Variants in AASDHPPT observed in about 807,000 individuals in gnomAD.
AASDHPPT encodes the protein L-aminoadipate-semialdehyde dehydrogenase-phosphopantetheinyl transferase.
Under a neutral mutation model 36.4 loss-of-function variants are expected in AASDHPPT, and 23 were observed. That is an observed-to-expected ratio of 0.63 (90% CI 0.45 to 0.89). AASDHPPT has a LOEUF of 0.89. Among genes scored for constraint, AASDHPPT ranks in the 40% least tolerant of loss-of-function variants. AASDHPPT has a pLI of 0.00. For synonymous variants in AASDHPPT, 115 were observed against 128.0 expected (o/e 0.90, Z 0.68); for missense variants, 377 against 378.2 (o/e 1.00, Z 0.03).
rs767828679 is a variant in AASDHPPT at position 106,090,671 on chromosome 11, G to A, written c.524G>A (p.Arg175Lys). 5.1e-6 allele frequency: 8 copies of A among 1,581,716 alleles called. No homozygotes were observed. Among genetic ancestry groups the A allele is most frequent in the Non-Finnish European group, 6.9e-6 (8 of 1,166,966 alleles). Residue 175 changes from arginine (R) to lysine (K), a missense_variant, in exon 3 of 6, where the codon AGG becomes AAG. Arg to Lys is a conservative substitution (Grantham distance 26, BLOSUM62 2). Transcript: ENST00000278618. ...TGGACTCAGCTGGATATGTTTTATA[G>A]GAATTGGGTATAATTCTTTCTAATT... Reference protein sequence around the residue: ...DEWTQLDMFYRNWALKESFIK... With the variant: ...DEWTQLDMFYKNWALKESFIK...
intron 2 of AASDHPPT, among the ~76,000 whole-genome samples, chr11:106,084,102 A>G (rs990471026): frequency 6.6e-6 from 1 of 152,122 alleles, no homozygotes; most frequent in Non-Finnish European, 1.5e-5. Flanking sequence ...TACCTTAATG[A>G]TTAGAGTAAT....
intron 5 of AASDHPPT, among the ~76,000 whole-genome samples, chr11:106,096,099 A>G (rs1861310206): frequency 6.6e-6 from 1 of 152,162 alleles, no homozygotes. Context: ...AAATTAAGAT[A>G]ACCGTATCAC....
At chr11:106,087,646 T>C (rs1416189484) in intron 2 of AASDHPPT, among the ~76,000 whole-genome samples, 2 of 152,176 alleles carry the variant, frequency 1.3e-5, no homozygotes, top group East Asian at 1.9e-4. Context: ...TTTTTTTCCG[T>C]AGGCCTGAAA....
intron 2 of AASDHPPT, among the ~76,000 whole-genome samples, chr11:106,084,953 A>G (rs9943677): frequency 0.61 from 93,318 of 152,022 alleles, 32,472 homozygotes; most frequent in Non-Finnish European, 0.77. Flanking sequence ...GCTGATAGAC[A>G]TATTAATGTT....
chr11:106,086,937 C>T (rs1292276865), intron 2 of AASDHPPT, among the ~76,000 whole-genome samples: 1 of 152,212 alleles, frequency 6.6e-6, no homozygotes, highest in African/African-American at 2.4e-5. Context: ...AGGCTTCATG[C>T]TCTGTCCTCT....
At chr11:106,089,945 A>G (rs1298558984) in intron 2 of AASDHPPT, among the ~76,000 whole-genome samples, 1 of 152,038 alleles carries the variant, frequency 6.6e-6, no homozygotes, top group Non-Finnish European at 1.5e-5. Context: ...AAATCTTTTT[A>G]TTTGAATAAG....
At chr11:106,091,287 C>G (rs1861254428) in intron 3 of AASDHPPT, 29 bp from the exon 4 acceptor site, 1 of 1,560,386 alleles carries the variant, frequency 6.4e-7, no homozygotes, top group Admixed American at 2.2e-5. Flanking sequence ...CCACCAAATT[C>G]TAAGAGAAAA....
At chr11:106,079,961 T>G (rs1476099171) in intron 2 of AASDHPPT, among the ~76,000 whole-genome samples, 1 of 152,240 alleles carries the variant, frequency 6.6e-6, no homozygotes, top group Non-Finnish European at 1.5e-5. Context: ...AAATTTTTTT[T>G]GAATTATACT....
rs75512336 is a variant in AASDHPPT, at chr11:106,083,797, A to G, written c.409+4105A>G. Among the ~76,000 whole-genome samples the G allele has an allele frequency of 5.6e-3, 859 of 152,264 alleles. 26 individuals are homozygous for G. In the East Asian group the frequency reaches 0.075, roughly 13 times the overall value. ...AAATTTAAAAATAAAAAAGTTTAAA[A>G]TTTTAGGACAAAATATAGTTGACTA... On this transcript the variant is annotated intron_variant, in intron 2 of 5. Transcript: ENST00000278618.
chr11:106,082,874 G>A (rs1291804918), intron 2 of AASDHPPT, among the ~76,000 whole-genome samples: 3 of 152,046 alleles, frequency 2.0e-5, no homozygotes, highest in Admixed American at 1.3e-4. Flanking sequence ...TAAGCATAAA[G>A]GGTAACTTTT....
chr11:106,093,073 G>A (rs969689193), intron 4 of AASDHPPT: 1 of 152,176 alleles, frequency 6.6e-6, no homozygotes. Flanking sequence ...TGGTATAAGA[G>A]AGTAGTGTTG....
At position 106,097,613 on chromosome 11, in the gene AASDHPPT, T is replaced by G. The variant is rs970148102; in HGVS notation, c.*706T>G. On this transcript the variant is annotated 3_prime_UTR_variant, in exon 6 of 6. Coordinates refer to ENST00000278618, the MANE Select transcript of AASDHPPT (RefSeq NM_015423.3). Reference sequence around the variant, plus strand: ...GATCACAAGAGCTGCTGCTATAACTTCCAGTTTTACATCTTTGTAAAATTG... The same window carrying G: ...GATCACAAGAGCTGCTGCTATAACTGCCAGTTTTACATCTTTGTAAAATTG... 3 of 152,166 alleles carry G rather than the reference T, an allele frequency of 2.0e-5. No homozygotes were observed. The highest frequency in any genetic ancestry group is 4.4e-5 in the Non-Finnish European group (3 of 68,016). The allele number at this position is 152,166 out of a possible 1,614,324, so 9.4% of individuals were successfully genotyped here.
Position 106,091,407 on chromosome 11 carries a change from A to G in AASDHPPT, c.623A>G (p.Asp208Gly). 1 of 1,609,764 alleles carries G rather than the reference A, an allele frequency of 6.2e-7. No homozygotes were observed. Among genetic ancestry groups the G allele is most frequent in the Non-Finnish European group, 8.5e-7 (1 of 1,178,244 alleles). ...TTTGATCTATCTCCATTAAACTTGG[A>G]TATAGGCCAAGTTTATAAAGAAACA... The part of the protein sequence containing the change: ...LEFDLSPLNL[D>G]IGQVYKETRL... The change falls in exon 4 of 6, where the codon GAT (aspartate) becomes GGT (glycine). Residue 208 changes from aspartate to glycine, a missense_variant. Transcript: ENST00000278618.
chr11:106,094,356 CCT>C (rs1344650765), intron 4 of AASDHPPT: 1 of 344,528 alleles, frequency 2.9e-6, no homozygotes, highest in Non-Finnish European at 5.2e-6. Context: ...AGAGAATGTG[CCT>C]ACTAGGAAAT....
At chr11:106,089,633 A>G (rs1376845167) in intron 2 of AASDHPPT, 1 of 152,026 alleles carries the variant, frequency 6.6e-6, no homozygotes, top group East Asian at 1.9e-4. Flanking sequence ...GTAAATATTT[A>G]TACATATTAT....
At chr11:106,081,335 A>C (rs1367453345) in intron 2 of AASDHPPT, among the ~76,000 whole-genome samples, 2 of 152,206 alleles carry the variant, frequency 1.3e-5, no homozygotes, top group African/African-American at 4.8e-5. Flanking sequence ...GAAACCTTAT[A>C]ACAGATTGTT....
chr11:106,086,493 T>C (rs1861198756), intron 2 of AASDHPPT: 1 of 152,328 alleles, frequency 6.6e-6, no homozygotes. Context: ...AGGTTCTGGG[T>C]GGACATGAAT....
At chr11:106,078,209 G>C (rs1241229286) in intron 1 of AASDHPPT, among the ~76,000 whole-genome samples, 2 of 151,794 alleles carry the variant, frequency 1.3e-5, no homozygotes, top group Non-Finnish European at 2.9e-5. Flanking sequence ...TTTCTGTAAT[G>C]AATGTTTTTA....
At chr11:106,082,002 TATAATA>T (rs535433959) in intron 2 of AASDHPPT, among the ~76,000 whole-genome samples, 1 of 150,230 alleles carries the variant, frequency 6.7e-6, no homozygotes, top group African/African-American at 2.4e-5. Context: ...GAACTTAAAG[TATAATA>T]ATAATAATAA....
Sources: allele counts gnomAD v4.1 joint callset (sites outside exome capture counted in the v4.1 genomes callset), GRCh38; gene constraint gnomAD v4.1.1; transcripts MANE v1.5; gene names NCBI Gene and HGNC (gene_info 2026-07-23, HGNC 2026-07-21).